The following ASIC2 variants were observed in gnomAD, a reference collection of about 807,000 sequenced individuals.
The protein encoded by ASIC2 is acid sensing ion channel subunit 2, also known as acid-sensing ion channel 2.
Under a neutral mutation model 57.3 loss-of-function variants are expected in ASIC2, and 25 were observed. The observed-to-expected ratio is 0.44, with a 90% CI of 0.32 to 0.61. ASIC2 has a LOEUF of 0.61. Among genes scored for constraint, ASIC2 ranks in the 20% least tolerant of loss-of-function variants. The pLI, the probability that ASIC2 is intolerant of heterozygous loss-of-function variation, is 0.06. For missense variants in ASIC2, 641 were observed against 738.1 expected (o/e 0.87, Z 1.52); for synonymous variants, 319 against 307.5 (o/e 1.04, Z -0.39).
rs148793555 is a variant in ASIC2, at chr17:33,407,646, T to C, written c.556-295579A>G. 9.8e-5 allele frequency among the ~76,000 whole-genome samples: 15 copies of C among 152,308 alleles called. No individual in the cohort carries two copies. In the East Asian group the frequency reaches 2.9e-3, roughly 29 times the overall value. Reference sequence around the variant, plus strand: ...TAATAAAAATTTAATAAAATAAAGTTAGTAATGAAACAGTCTGATTAGAGA... The same window carrying C: ...TAATAAAAATTTAATAAAATAAAGTCAGTAATGAAACAGTCTGATTAGAGA... On this transcript the variant is annotated intron_variant, in intron 1 of 9. Transcript: ENST00000359872.
intron 1 of ASIC2, among the ~76,000 whole-genome samples, chr17:33,961,066 C>A (rs541177431): frequency 6.6e-6 from 1 of 152,110 alleles, no homozygotes; most frequent in Non-Finnish European, 1.5e-5. Context: ...AGATGATCAA[C>A]GCCCAGGCCA....
intron 1 of ASIC2, among the ~76,000 whole-genome samples, chr17:33,686,307 G>C (rs1421221107): frequency 6.6e-6 from 1 of 152,112 alleles, no homozygotes; most frequent in Non-Finnish European, 1.5e-5. Flanking sequence ...AGGATTCTTC[G>C]GATGGAGAAC....
chr17:33,641,403 C>T (rs1038681206), intron 1 of ASIC2, among the ~76,000 whole-genome samples: 2 of 152,188 alleles, frequency 1.3e-5, no homozygotes, highest in Admixed American at 1.3e-4. Context: ...CATGTACACA[C>T]CCCTGAGTAA....
At chr17:33,448,827 A>G (rs1399185662) in intron 1 of ASIC2, among the ~76,000 whole-genome samples, 3 of 152,226 alleles carry the variant, frequency 2.0e-5, no homozygotes, top group Admixed American at 6.5e-5. Context: ...AGTACCTTGC[A>G]TAGATGCAGA....
At chr17:33,675,686 C>T (rs1037899166) in intron 1 of ASIC2, among the ~76,000 whole-genome samples, 3 of 152,210 alleles carry the variant, frequency 2.0e-5, no homozygotes, top group African/African-American at 4.8e-5. Flanking sequence ...ATCCTCCCAC[C>T]TCAGCCTCTT....
At chr17:33,883,513 G>T (rs1305834545) in intron 1 of ASIC2, among the ~76,000 whole-genome samples, 1 of 152,166 alleles carries the variant, frequency 6.6e-6, no homozygotes, top group Non-Finnish European at 1.5e-5. Context: ...CCTTTCCACA[G>T]GCTGCCCCTA....
intron 1 of ASIC2, chr17:33,984,131 A>G (rs1019751969): frequency 2.0e-5 from 3 of 152,222 alleles, no homozygotes; most frequent in African/African-American, 7.2e-5. Context: ...TCTGGCTGCA[A>G]TCATATTCAC....
intron 1 of ASIC2, among the ~76,000 whole-genome samples, chr17:33,546,436 G>A (rs568354358): frequency 6.6e-6 from 1 of 152,036 alleles, no homozygotes; most frequent in Non-Finnish European, 1.5e-5. Flanking sequence ...ATAGACTAAG[G>A]GTGCTAGAAT....
chr17:33,953,338 C>T (rs756326839), intron 1 of ASIC2, among the ~76,000 whole-genome samples: 7 of 152,038 alleles, frequency 4.6e-5, no homozygotes, highest in Non-Finnish European at 8.8e-5. Flanking sequence ...TGCTTCAAAC[C>T]CTATGTCTGG....
chr17:34,037,668 C>A, intron 1 of ASIC2: 5 of 1,613,756 alleles, frequency 3.1e-6, no homozygotes, highest in Non-Finnish European at 4.2e-6. Flanking sequence ...GATGCAATAG[C>A]AGCTCCAGCA....
intron 1 of ASIC2, among the ~76,000 whole-genome samples, chr17:33,717,449 C>G (rs955988821): frequency 2.6e-5 from 4 of 152,102 alleles, no homozygotes; most frequent in Admixed American, 1.3e-4. Context: ...TGTGGAGGTG[C>G]CTGTCTGGGC....
chr17:33,641,337 A>C (rs1210607590), intron 1 of ASIC2, among the ~76,000 whole-genome samples: 1 of 152,220 alleles, frequency 6.6e-6, no homozygotes, highest in Non-Finnish European at 1.5e-5. Flanking sequence ...TTTACTGAAC[A>C]TCCGCACACA....
intron 1 of ASIC2, among the ~76,000 whole-genome samples, chr17:33,224,659 A>G (rs1164876972): frequency 1.3e-5 from 2 of 152,228 alleles, no homozygotes; most frequent in Non-Finnish European, 2.9e-5. Context: ...CTGCCATTCA[A>G]TGAGGCAAGG....
intron 1 of ASIC2, among the ~76,000 whole-genome samples, chr17:34,054,888 G>A (rs889110853): frequency 1.3e-5 from 2 of 152,170 alleles, no homozygotes; most frequent in Non-Finnish European, 2.9e-5. Context: ...GGAGATAGAT[G>A]AGCAAGTAAC....
intron 1 of ASIC2, among the ~76,000 whole-genome samples, chr17:33,288,358 G>A (rs934833475): frequency 3.3e-5 from 5 of 152,002 alleles, no homozygotes; most frequent in South Asian, 2.1e-4. Flanking sequence ...CAGCAGCAGC[G>A]GAAACCAAAC....
In ASIC2 at chr17:33,265,988, T is replaced by C. The variant is rs114077556; in HGVS notation, c.708+25420A>G. Reference sequence around the variant, plus strand: ...ACTCCTCAGTTCACCTCCTGTCCCATGGCCATGGTGGTCTTGCTGCTCCTT... The same window carrying C: ...ACTCCTCAGTTCACCTCCTGTCCCACGGCCATGGTGGTCTTGCTGCTCCTT... On this transcript the variant is annotated intron_variant, in intron 1 of 9. Transcript: ENST00000225823. Among the ~76,000 whole-genome samples the C allele has an allele frequency of 4.0e-3, 602 of 152,340 alleles. 4 individuals carry two copies. The highest frequency in any genetic ancestry group is 0.013 in the African/African-American group (540 of 41,564).
chr17:34,152,829 G>A (rs1387055506), intron 1 of ASIC2, among the ~76,000 whole-genome samples: 2 of 152,174 alleles, frequency 1.3e-5, no homozygotes, highest in Non-Finnish European at 2.9e-5. Context: ...CATGGGCAGA[G>A]ACACAATCCC....
chr17:33,984,772 T>C (rs1411974580), intron 1 of ASIC2, among the ~76,000 whole-genome samples: 1 of 152,150 alleles, frequency 6.6e-6, no homozygotes, highest in Admixed American at 6.5e-5. Flanking sequence ...CTTGACACTA[T>C]AGCTGTTGCT....
At chr17:34,099,172 G>C (rs1220332252) in intron 1 of ASIC2, among the ~76,000 whole-genome samples, 13 of 9,028 alleles carry the variant, frequency 1.4e-3, no homozygotes, top group African/African-American at 2.8e-3. Flanking sequence ...GAGAAAGAAA[G>C]AAAGAAAGAA....
Sources: allele counts gnomAD v4.1 joint callset (sites outside exome capture counted in the v4.1 genomes callset), GRCh38; gene constraint gnomAD v4.1.1; transcripts MANE v1.5; gene names NCBI Gene and HGNC (gene_info 2026-07-23, HGNC 2026-07-21).